LOC128092253: variants seen among roughly 807,000 people sequenced by gnomAD.
the LOC128092253 span, among the ~76,000 whole-genome samples, chr6:133,978,988 AAG>A: frequency 2.2e-4 from 33 of 152,204 alleles, no homozygotes; most frequent in African/African-American, 6.3e-4. Context: ...TGAAAATGCA[AAG>A]AGAGAATTTT....
the LOC128092253 span, among the ~76,000 whole-genome samples, chr6:133,960,208 T>C: frequency 2.6e-5 from 4 of 152,266 alleles, no homozygotes; most frequent in South Asian, 8.3e-4. Flanking sequence ...CAGACAACCA[T>C]ATTGAAGGCA....
At chr6:133,964,020 G>A in the LOC128092253 span, among the ~76,000 whole-genome samples, 93 of 152,186 alleles carry the variant, frequency 6.1e-4, no homozygotes, top group African/African-American at 2.1e-3. Flanking sequence ...CAGCCTGGGC[G>A]ACAGAGCAAG....
At chr6:133,958,718 G>A in the LOC128092253 span, among the ~76,000 whole-genome samples, 3 of 152,090 alleles carry the variant, frequency 2.0e-5, no homozygotes, top group Admixed American at 1.3e-4. Context: ...TAATAACCAG[G>A]TCTTAGTTTT....
the LOC128092253 span, among the ~76,000 whole-genome samples, chr6:133,955,696 A>G: frequency 9.2e-5 from 14 of 152,234 alleles, no homozygotes; most frequent in African/African-American, 3.4e-4. Flanking sequence ...TCCAAATGGT[A>G]ATACTGTAAT....
the LOC128092253 span, among the ~76,000 whole-genome samples, chr6:133,974,712 G>A: frequency 2.0e-5 from 3 of 152,232 alleles, no homozygotes; most frequent in African/African-American, 7.2e-5. Flanking sequence ...CACAGCCAGA[G>A]TATCTCCTAT....
the LOC128092253 span, among the ~76,000 whole-genome samples, chr6:133,965,456 C>T: frequency 6.6e-6 from 1 of 152,046 alleles, no homozygotes; most frequent in East Asian, 1.9e-4. Context: ...AGCATAATAC[C>T]TATTTCGTAA....
chr6:133,966,893 C>T, the LOC128092253 span, among the ~76,000 whole-genome samples: 1 of 152,186 alleles, frequency 6.6e-6, no homozygotes, highest in African/African-American at 2.4e-5. Flanking sequence ...TCTTTCAGTC[C>T]ATCCTCCCAT....
chr6:133,964,232 AGTTCTCT>A, the LOC128092253 span, among the ~76,000 whole-genome samples: 1 of 152,080 alleles, frequency 6.6e-6, no homozygotes, highest in Non-Finnish European at 1.5e-5. Context: ...TCTCTAGCCA[AGTTCTCT>A]GTGTTTATCC....
the LOC128092253 span, among the ~76,000 whole-genome samples, chr6:133,962,251 A>C: frequency 1.3e-5 from 2 of 152,164 alleles, no homozygotes; most frequent in Non-Finnish European, 2.9e-5. Context: ...GAGCCAAGAG[A>C]TGCTTCTTCA....
the LOC128092253 span, among the ~76,000 whole-genome samples, chr6:133,964,739 T>C: frequency 6.6e-6 from 1 of 152,132 alleles, no homozygotes; most frequent in East Asian, 1.9e-4. Flanking sequence ...TGAGCCACCA[T>C]GCCCGGCCGA....
the LOC128092253 span, among the ~76,000 whole-genome samples, chr6:133,965,388 A>C: frequency 5.6e-3 from 847 of 152,292 alleles, 12 homozygotes; most frequent in African/African-American, 0.019. Flanking sequence ...TTAATATCCA[A>C]ACCCATTATG....
the LOC128092253 span, among the ~76,000 whole-genome samples, chr6:133,972,794 G>A: frequency 2.6e-5 from 4 of 152,082 alleles, no homozygotes; most frequent in African/African-American, 7.2e-5. Flanking sequence ...GAATCCATCT[G>A]TCAGTAATAG....
chr6:133,979,555 A>T, the LOC128092253 span, among the ~76,000 whole-genome samples: 1 of 152,216 alleles, frequency 6.6e-6, no homozygotes, highest in African/African-American at 2.4e-5. Flanking sequence ...TTTTAGTTTA[A>T]GGAATGAAAG....
the LOC128092253 span, among the ~76,000 whole-genome samples, chr6:133,973,136 T>C: frequency 1.3e-4 from 20 of 152,334 alleles, no homozygotes; most frequent in East Asian, 1.9e-3. Context: ...GGACACAAAA[T>C]GTCTATTTCC....
At chr6:133,955,263 TTGAG>T in the LOC128092253 span, among the ~76,000 whole-genome samples, 1 of 149,322 alleles carries the variant, frequency 6.7e-6, no homozygotes, top group Admixed American at 6.8e-5. Flanking sequence ...TCTTCATTGT[TTGAG>T]TGAGGGTCAA....
At chr6:133,964,991 C>T in the LOC128092253 span, among the ~76,000 whole-genome samples, 1 of 152,064 alleles carries the variant, frequency 6.6e-6, no homozygotes, top group Admixed American at 6.5e-5. Context: ...AAGTTTGAGC[C>T]CTGCATTCAC....
At chr6:133,976,981 A>C in the LOC128092253 span, among the ~76,000 whole-genome samples, 1 of 151,938 alleles carries the variant, frequency 6.6e-6, no homozygotes, top group Non-Finnish European at 1.5e-5. Flanking sequence ...AAAAAAAAAA[A>C]AGAAAAAAAA....
chr6:133,977,845 G>A, the LOC128092253 span, among the ~76,000 whole-genome samples: 1 of 152,196 alleles, frequency 6.6e-6, no homozygotes, highest in African/African-American at 2.4e-5. Context: ...TGCAAAATTG[G>A]CTACTTGAGC....
the LOC128092253 span, among the ~76,000 whole-genome samples, chr6:133,975,318 TG>T: frequency 1.3e-5 from 2 of 151,892 alleles, no homozygotes; most frequent in South Asian, 2.1e-4. Flanking sequence ...TTAGAAGAAA[TG>T]GAAAATTTAA....
Sources: gnomAD v4.1 joint callset for allele counts (sites outside exome capture counted in the v4.1 genomes callset) on GRCh38, gnomAD v4.1.1 for gene constraint, MANE v1.5 for transcripts.